Variants in NPNT observed in about 807,000 individuals in gnomAD.
NPNT encodes preosteoblast EGF-like repeat protein with MAM domain.
NPNT carries 45 observed loss-of-function variants against 68.6 expected under a neutral mutation model. The ratio of observed to expected loss-of-function variants is 0.66; its 90% CI spans 0.52 to 0.84. The LOEUF (loss-of-function observed/expected upper bound fraction) is 0.84. Among genes scored for constraint, NPNT ranks in the 40% least tolerant of loss-of-function variants. NPNT has a pLI of 0.00. For missense variants in NPNT, 672 were observed against 714.8 expected (o/e 0.94, Z 0.68); for synonymous variants, 233 against 253.3 (o/e 0.92, Z 0.76).
At chr4:105,896,393 T>A (rs1311509258) in intron 1 of NPNT, among the ~76,000 whole-genome samples, 1 of 151,848 alleles carries the variant, frequency 6.6e-6, no homozygotes, top group Non-Finnish European at 1.5e-5. Context: ...TGTGACAGGT[T>A]CCAACAACCT....
intron 11 of NPNT, among the ~76,000 whole-genome samples, chr4:105,968,146 A>G (rs914123165): frequency 1.4e-4 from 22 of 152,242 alleles, no homozygotes; most frequent in African/African-American, 4.8e-4. Flanking sequence ...GGAGATACCT[A>G]TGCCTGTATG....
intron 5 of NPNT, 45 bp downstream of exon 5, chr4:105,938,465 TA>T: frequency 6.3e-7 from 1 of 1,594,610 alleles, no homozygotes; most frequent in Non-Finnish European, 8.5e-7. Context: ...CTCTGTAGGA[TA>T]AAGGGAGAAA....
At chr4:105,916,498 A>G (rs1157503318) in intron 2 of NPNT, among the ~76,000 whole-genome samples, 1 of 152,080 alleles carries the variant, frequency 6.6e-6, no homozygotes, top group Non-Finnish European at 1.5e-5. Context: ...CTGAGATTAC[A>G]GGCCTGGGCC....
At chr4:105,905,806 A>G (rs1726841502) in intron 2 of NPNT, among the ~76,000 whole-genome samples, 2 of 152,182 alleles carry the variant, frequency 1.3e-5, no homozygotes, top group East Asian at 3.9e-4. Context: ...TTAGTATAGT[A>G]ATTGAAGAGG....
chr4:105,903,393 A>C (rs1226218287), intron 2 of NPNT, among the ~76,000 whole-genome samples: 1 of 152,178 alleles, frequency 6.6e-6, no homozygotes, highest in Non-Finnish European at 1.5e-5. Context: ...GGCCTTCATC[A>C]CAGGGGAGAT....
chr4:105,896,096 G>A, intron 1 of NPNT: 1 of 242,536 alleles, frequency 4.1e-6, no homozygotes. Flanking sequence ...TCCCGCGCCT[G>A]AACTAGACGG....
chr4:105,966,098 A>G (rs1578696968), intron 10 of NPNT, among the ~76,000 whole-genome samples: 1 of 152,342 alleles, frequency 6.6e-6, no homozygotes, highest in East Asian at 1.9e-4. Flanking sequence ...ATGATAGTTT[A>G]TATCTGTTAA....
chr4:105,937,570 T>C (rs879478165), intron 4 of NPNT, among the ~76,000 whole-genome samples: 2 of 152,022 alleles, frequency 1.3e-5, no homozygotes, highest in South Asian at 2.1e-4. Context: ...TTATATTTCA[T>C]TATAAAAGCC....
At chr4:105,926,172 G>C (rs1728664360) in intron 2 of NPNT, among the ~76,000 whole-genome samples, 1 of 152,094 alleles carries the variant, frequency 6.6e-6, no homozygotes, top group South Asian at 2.1e-4. Context: ...GAGGCTTTCT[G>C]CACGTATGTA....
In NPNT at chr4:105,937,094, C is replaced by T. The variant is rs140313471; in HGVS notation, c.351C>T (p.Asn117=). The change falls in exon 4 of 12, where the codon AAC becomes AAT. Residue 117 remains asparagine, a synonymous_variant. Coordinates refer to ENST00000379987, the MANE Select transcript of NPNT (RefSeq NM_001033047.3). ...TYGSYKCYCL[N]GYMLMPDGSC... is the part of the protein sequence containing the mutation. ...GCAGCTACAAGTGCTACTGTCTCAA[C>T]GGATATATGCTCATGCCGGATGGTT... is the stretch of plus-strand genomic sequence containing the variant. 1.8e-5 allele frequency: 29 copies of T among 1,613,438 alleles called. No individual in the cohort carries two copies. Among genetic ancestry groups the T allele is most frequent in the South Asian group, 5.5e-5 (5 of 91,052 alleles).
At chr4:105,899,545 C>T (rs10007955) in intron 2 of NPNT, among the ~76,000 whole-genome samples, 11,688 of 152,210 alleles carry the variant, frequency 0.077, 810 homozygotes, top group African/African-American at 0.19. Context: ...TTACCACCAT[C>T]TCCCTTTAAC....
chr4:105,953,713 C>T lies in NPNT; in HGVS notation c.1160-4758C>T, dbSNP rs184732385. On this transcript the variant is annotated intron_variant, in intron 8 of 11. Transcript: ENST00000379987. ...TCTAGGTTTTGCCACCAGAAACAGC[C>T]TTCAGAATATTGGAATAATTACATA... Among the ~76,000 whole-genome samples, 13 of 152,282 alleles carry T rather than the reference C, an allele frequency of 8.5e-5. No individual in the cohort carries two copies. In the East Asian group the frequency reaches 2.5e-3, roughly 29 times the overall value.
intron 2 of NPNT, among the ~76,000 whole-genome samples, chr4:105,916,109 A>G (rs1323068204): frequency 2.0e-5 from 3 of 151,878 alleles, no homozygotes; most frequent in African/African-American, 7.3e-5. Context: ...CTACAAACAT[A>G]TTTTCTTTTT....
rs776255120 is a variant in NPNT, at chr4:105,942,653, T to A, written c.1110T>A (p.Val370=). 1 of 1,613,888 alleles carries A rather than the reference T, an allele frequency of 6.2e-7. No homozygotes were observed. The highest frequency in any genetic ancestry group is 1.1e-5 in the South Asian group (1 of 91,068). ...GTACACCTCCAGGAGGGATTACAGTTGACAACAGGGTACAGACAGACCCTC... is the reference window on the plus strand; with the variant it reads ...GTACACCTCCAGGAGGGATTACAGTAGACAACAGGGTACAGACAGACCCTC... ...AASTPPGGIT[V]DNRVQTDPQK... is the part of the protein sequence containing the mutation. Residue 370 remains valine (V), a synonymous_variant, in exon 8 of 12, where the codon GTT becomes GTA. Coordinates refer to ENST00000379987, the MANE Select transcript of NPNT (RefSeq NM_001033047.3).
At chr4:105,968,824 A>G (rs902544002) in intron 11 of NPNT, 71 bp from the exon 12 acceptor site, 2 of 867,506 alleles carry the variant, frequency 2.3e-6, no homozygotes, top group African/African-American at 3.4e-5. Flanking sequence ...GTTTGCCTTT[A>G]TTTTTGCTTA....
chr4:105,909,642 T>C (rs1727194589), intron 2 of NPNT, among the ~76,000 whole-genome samples: 1 of 152,196 alleles, frequency 6.6e-6, no homozygotes, highest in South Asian at 2.1e-4. Context: ...GTTGGTGTTA[T>C]AAATGTACAG....
At chr4:105,916,837 C>T (rs1280014911) in intron 2 of NPNT, among the ~76,000 whole-genome samples, 2 of 152,062 alleles carry the variant, frequency 1.3e-5, no homozygotes, top group East Asian at 1.9e-4. Context: ...CAGTTCAGTA[C>T]ACTTTTGAAG....
intron 11 of NPNT, 66 bp from the exon 12 acceptor site, chr4:105,968,829 T>C (rs1732369873): frequency 1.1e-6 from 1 of 890,218 alleles, no homozygotes; most frequent in African/African-American, 1.7e-5. Flanking sequence ...CCTTTATTTT[T>C]GCTTAATAAG....
At chr4:105,915,836 C>G (rs1727770973) in intron 2 of NPNT, among the ~76,000 whole-genome samples, 1 of 152,176 alleles carries the variant, frequency 6.6e-6, no homozygotes, top group African/African-American at 2.4e-5. Flanking sequence ...TTCCACTATT[C>G]TACTCAAACC....
Sources: gnomAD v4.1 joint callset for allele counts (sites outside exome capture counted in the v4.1 genomes callset) on GRCh38, gnomAD v4.1.1 for gene constraint, MANE v1.5 for transcripts, NCBI Gene and HGNC (gene_info 2026-07-23, HGNC 2026-07-21) for gene names.